Variants in SLC1A1 observed in about 807,000 individuals in gnomAD.
The protein encoded by SLC1A1 is excitatory amino acid transporter 3.
SLC1A1 carries 43 observed loss-of-function variants against 53.3 expected under a neutral mutation model. The ratio of observed to expected loss-of-function variants is 0.81; its 90% CI spans 0.63 to 1.04. The LOEUF is 1.04. Ranked by LOEUF, SLC1A1 falls within the 50% of genes least tolerant of loss-of-function variation. The pLI is 0.00. For missense variants in SLC1A1, 748 were observed against 664.9 expected (o/e 1.12, Z -1.37); for synonymous variants, 307 against 243.2 (o/e 1.26, Z -2.44).
At chr9:4,545,085 G>C (rs1313964239) in intron 2 of SLC1A1, among the ~76,000 whole-genome samples, 1 of 151,948 alleles carries the variant, frequency 6.6e-6, no homozygotes, top group East Asian at 1.9e-4. Context: ...ATGAGATTTG[G>C]GTGGGAACAC....
chr9:4,567,200 G>A (rs1819572958), intron 5 of SLC1A1, among the ~76,000 whole-genome samples: 1 of 152,150 alleles, frequency 6.6e-6, no homozygotes, highest in Admixed American at 6.5e-5. Context: ...TGTTGATTTT[G>A]GAACAACCAT....
intron 8 of SLC1A1, among the ~76,000 whole-genome samples, chr9:4,574,935 G>A (rs942937486): frequency 6.6e-6 from 1 of 152,200 alleles, no homozygotes; most frequent in African/African-American, 2.4e-5. Context: ...ACAGTGTGAG[G>A]CCCCTGGCGC....
rs1281753805 is a variant in SLC1A1, at chr9:4,549,841, G to A, written c.232+5134G>A. On this transcript the variant is annotated intron_variant, in intron 2 of 11. Transcript: ENST00000262352. This position sits in a 1 kb window ranked among gnomAD's most constrained non-coding sequence, Gnocchi z 4.1. The stretch of plus-strand genomic sequence containing the variant: ...CTTGTAGAACCTGGGAGTCTGTCCA[G>A]GTCAGGCTGGGCCAAGTCCATGCCA... Among the ~76,000 whole-genome samples, 3 of 152,176 alleles carry A rather than the reference G, an allele frequency of 2.0e-5. No homozygotes were observed. Among genetic ancestry groups the A allele is most frequent in the African/African-American group, 7.2e-5 (3 of 41,426 alleles).
chr9:4,503,118 C>T (rs1451841419), intron 1 of SLC1A1, among the ~76,000 whole-genome samples: 2 of 151,706 alleles, frequency 1.3e-5, no homozygotes, highest in Non-Finnish European at 2.9e-5. Context: ...ATTCTTAACC[C>T]TTGATTTATA....
At chr9:4,548,416 G>A (rs917210645) in intron 2 of SLC1A1, among the ~76,000 whole-genome samples, 3 of 152,126 alleles carry the variant, frequency 2.0e-5, no homozygotes, top group South Asian at 2.1e-4. Context: ...CTAAGGATAC[G>A]TAAATTAGAA....
At chr9:4,492,866 G>A (rs189110431) in intron 1 of SLC1A1, among the ~76,000 whole-genome samples, 2 of 152,218 alleles carry the variant, frequency 1.3e-5, no homozygotes, top group Admixed American at 1.3e-4. Flanking sequence ...CCCTGTGGAA[G>A]TGGAGTTATC....
In SLC1A1 at chr9:4,586,521, A is replaced by C. The variant is rs1412648397; in HGVS notation, c.*963A>C. On this transcript the variant is annotated 3_prime_UTR_variant, in exon 12 of 12. Coordinates refer to ENST00000262352, the MANE Select transcript of SLC1A1 (RefSeq NM_004170.6). ...GATTTGAGCTGCCTGGAGGGAATCC[A>C]TATCAGCTCTGCATAAGATTATATA... 2 of 152,228 alleles carry C rather than the reference A, an allele frequency of 1.3e-5. No homozygotes were observed. The highest frequency in any genetic ancestry group is 4.8e-5 in the African/African-American group (2 of 41,454). 9.4% of individuals were successfully genotyped at this position (152,228 alleles called of 1,614,324 possible). A position where few individuals can be genotyped will look rare whatever the true frequency, so the allele number is the denominator to read the frequency against.
At chr9:4,517,300 C>G (rs910788587) in intron 1 of SLC1A1, among the ~76,000 whole-genome samples, 1 of 152,174 alleles carries the variant, frequency 6.6e-6, no homozygotes, top group Non-Finnish European at 1.5e-5. Context: ...TCAAGGGTAG[C>G]TCTGAACTCC....
chr9:4,577,495 A>G (rs953727297), intron 10 of SLC1A1, among the ~76,000 whole-genome samples: 4 of 152,138 alleles, frequency 2.6e-5, no homozygotes, highest in African/African-American at 9.7e-5. Context: ...TTATTTTTTG[A>G]GATGGAGTTT....
rs577627142 is a variant in SLC1A1, at chr9:4,566,317, C to T, written c.483+228C>T. On this transcript the variant is annotated intron_variant, in intron 5 of 11. Coordinates refer to ENST00000262352, the MANE Select transcript of SLC1A1 (RefSeq NM_004170.6). ...TTACACTGCTTCCTTTTCCTTTATG[C>T]TTTTTCCCCCAAAAAGGCTCAAATG... is the stretch of plus-strand genomic sequence containing the variant. Among the ~76,000 whole-genome samples the T allele has an allele frequency of 2.6e-5, 4 of 152,108 alleles. No individual in the cohort carries two copies. The South Asian group carries it at 8.3e-4, about 32-fold the overall frequency.
intron 2 of SLC1A1, among the ~76,000 whole-genome samples, chr9:4,552,961 C>G (rs748954051): frequency 4.0e-5 from 6 of 151,768 alleles, no homozygotes; most frequent in Non-Finnish European, 8.8e-5. Context: ...GAAATGAGAA[C>G]AATATAAAAA....
intron 1 of SLC1A1, among the ~76,000 whole-genome samples, chr9:4,522,360 CT>C (rs55790212): frequency 1.3e-5 from 2 of 152,040 alleles, no homozygotes; most frequent in Non-Finnish European, 1.5e-5. Flanking sequence ...CTGAACCTGC[CT>C]TTTAACAAGA....
intron 1 of SLC1A1, among the ~76,000 whole-genome samples, chr9:4,506,571 A>G (rs897869076): frequency 2.2e-4 from 30 of 135,730 alleles, no homozygotes; most frequent in African/African-American, 1.1e-3. Flanking sequence ...TTTATTTTGA[A>G]AAAAAAAAAT....
At chr9:4,580,601 ATGTGTGTG>A (rs71326118) in intron 10 of SLC1A1, among the ~76,000 whole-genome samples, 76 of 69,688 alleles carry the variant, frequency 1.1e-3, no homozygotes, top group African/African-American at 2.4e-3. Context: ...AAAAATATAT[ATGTGTGTG>A]TGTGTGTGTG....
rs1817727422 is a variant in SLC1A1 at position 4,549,210 on chromosome 9, G to A, written c.232+4503G>A. 6.6e-6 allele frequency among the ~76,000 whole-genome samples: 1 copy of A among 152,150 alleles called. No individual in the cohort carries two copies. Among genetic ancestry groups the A allele is most frequent in the Non-Finnish European group, 1.5e-5 (1 of 68,030 alleles). On this transcript the variant is annotated intron_variant, in intron 2 of 11. Transcript: ENST00000262352. The surrounding 1 kb of genome is among the most constrained non-coding windows in gnomAD (Gnocchi z 4.1). ...ATGCTCATAACTTTGCTCAGGAAGA[G>A]GTTGCAGCTCTTCCACTTTAGCCTC...
At chr9:4,565,822 C>G (rs983280712) in intron 4 of SLC1A1, among the ~76,000 whole-genome samples, 1 of 152,146 alleles carries the variant, frequency 6.6e-6, no homozygotes, top group Non-Finnish European at 1.5e-5. Context: ...ATGTCAGTTA[C>G]TCAGTGAATC....
chr9:4,490,524 G>A lies in SLC1A1; in HGVS notation c.-156G>A. 1 of 436,100 alleles carries A rather than the reference G, an allele frequency of 2.3e-6. No individual in the cohort carries two copies. The allele number at this position is 436,100 out of a possible 1,614,324, so 27.0% of individuals were successfully genotyped here. A position where few individuals can be genotyped will look rare whatever the true frequency, so the allele number is the denominator to read the frequency against. On this transcript the variant is annotated 5_prime_UTR_variant, in exon 1 of 12. Coordinates refer to ENST00000262352, the MANE Select transcript of SLC1A1 (RefSeq NM_004170.6). ...GCGGTGCGCGATCCCGGGTGGCGGC[G>A]GCAACGGCGGTGGTGACGGCGGCGA...
intron 2 of SLC1A1, among the ~76,000 whole-genome samples, chr9:4,560,356 T>C (rs887622611): frequency 2.6e-5 from 4 of 152,184 alleles, no homozygotes. Context: ...TACTGAGCCA[T>C]TAAAATTATC....
intron 1 of SLC1A1, among the ~76,000 whole-genome samples, chr9:4,506,447 T>A (rs1341106926): frequency 1.3e-5 from 2 of 152,202 alleles, no homozygotes; most frequent in Non-Finnish European, 2.9e-5. Context: ...TAAGAAAAGA[T>A]CTTGTTGCCA....
Sources: gnomAD v4.1 joint callset for allele counts (sites outside exome capture counted in the v4.1 genomes callset) on GRCh38, gnomAD v4.1.1 for gene constraint, Gnocchi (gnomAD v3.1) non-coding constraint, MANE v1.5 for transcripts, NCBI Gene and HGNC (gene_info 2026-07-23, HGNC 2026-07-21) for gene names.